The following TASOR variants were observed in gnomAD, a reference collection of about 807,000 sequenced individuals.
TASOR encodes transcription activation suppressor.
A neutral mutation model predicts 178.6 loss-of-function variants in TASOR; 53 were observed. That is an observed-to-expected ratio of 0.30 (90% CI 0.24 to 0.37). The LOEUF is 0.37. Ranked by LOEUF, TASOR falls within the 10% of genes least tolerant of loss-of-function variation. The probability of loss-of-function intolerance (pLI) is 1.00; values close to 1 mark genes in which losing one functional copy is unlikely to be tolerated. For synonymous variants in TASOR, 713 were observed against 696.2 expected (o/e 1.02, Z -0.38); for missense variants, 1,815 against 1,971.4 (o/e 0.92, Z 1.50).
rs747228991 is a variant in TASOR, at chr3:56,628,537, T to C, written c.3825A>G (p.Leu1275=). 3.1e-6 allele frequency: 5 copies of C among 1,599,602 alleles called. No homozygotes were observed. The South Asian group carries it at 3.3e-5, about 11-fold the overall frequency. ...TGTCTTCATTTTGAATAATAATCAA[T>C]AGTTTATCTAATTTTGATCTTCTTT... ...FLERRSKLDK[L]LIIIQNEDIA... is the part of the protein sequence containing the mutation. Residue 1275 remains leucine (L), a synonymous_variant, in exon 19 of 24, where the codon CTA becomes CTG. Coordinates refer to ENST00000683822, the MANE Select transcript of TASOR (RefSeq NM_001365635.2).
At chr3:56,673,499 G>GT (rs2030959381) in intron 2 of TASOR, 81 bp downstream of exon 2, 1 of 727,900 alleles carries the variant, frequency 1.4e-6, no homozygotes, top group Non-Finnish European at 1.9e-6. Flanking sequence ...AAAAATTTTA[G>GT]TATTTCTAGA....
At chr3:56,672,391 T>G (rs1559852783) in intron 2 of TASOR, among the ~76,000 whole-genome samples, 1 of 152,208 alleles carries the variant, frequency 6.6e-6, no homozygotes, top group Non-Finnish European at 1.5e-5. Context: ...AGATTTTAAT[T>G]TTCTCTGGGA....
chr3:56,674,963 C>A (rs537220315), intron 1 of TASOR, among the ~76,000 whole-genome samples: 3 of 152,046 alleles, frequency 2.0e-5, no homozygotes, highest in Admixed American at 6.6e-5. Flanking sequence ...GGACTACAGG[C>A]ACCCACCACC....
At chr3:56,644,368 C>T (rs1404618925) in intron 14 of TASOR, among the ~76,000 whole-genome samples, 1 of 152,026 alleles carries the variant, frequency 6.6e-6, no homozygotes. Flanking sequence ...AGGTTCAGCA[C>T]AGATTGCAAA....
chr3:56,640,951 C>A (rs1159658703), intron 15 of TASOR, among the ~76,000 whole-genome samples: 1 of 152,212 alleles, frequency 6.6e-6, no homozygotes, highest in Admixed American at 6.5e-5. Flanking sequence ...CACTGCTGTA[C>A]TGAGACTGGC....
intron 17 of TASOR, among the ~76,000 whole-genome samples, chr3:56,637,198 G>C (rs2077035419): frequency 6.6e-6 from 1 of 152,124 alleles, no homozygotes; most frequent in Non-Finnish European, 1.5e-5. Context: ...AAATCTTCTG[G>C]GATGCTAGAA....
chr3:56,620,696 G>GT lies in TASOR; in HGVS notation c.*2340dup, dbSNP rs2076351646. On this transcript the variant is annotated 3_prime_UTR_variant, in exon 24 of 24. Coordinates refer to ENST00000683822, the MANE Select transcript of TASOR (RefSeq NM_001365635.2). ...GTTTTACATAAGTTATTTCTTTAGA[G>GT]TGACGAAGTGTTAGTTTACTTCTTG... 6.6e-6 allele frequency: 1 copy of GT among 152,230 alleles called. No individual in the cohort carries two copies. Among genetic ancestry groups the GT allele is most frequent in the Non-Finnish European group, 1.5e-5 (1 of 68,062 alleles). 9.4% of individuals were successfully genotyped at this position (152,230 alleles called of 1,614,324 possible).
chr3:56,623,597 A>G, intron 23 of TASOR, 31 bp from the exon 24 acceptor site: 3 of 1,549,012 alleles, frequency 1.9e-6, no homozygotes, highest in Non-Finnish European at 1.7e-6. Context: ...GTCCTCCTCT[A>G]TTGAAATACA....
chr3:56,664,501 T>C (rs1033072072), intron 7 of TASOR, among the ~76,000 whole-genome samples: 2 of 152,170 alleles, frequency 1.3e-5, no homozygotes, highest in African/African-American at 4.8e-5. Flanking sequence ...TGGCTATAGA[T>C]GGTTTCCAAG....
chr3:56,649,196 G>T, intron 11 of TASOR, 139 bp from the exon 12 acceptor site: 1 of 520,890 alleles, frequency 1.9e-6, no homozygotes, highest in Non-Finnish European at 3.3e-6. Context: ...TAATGAATTA[G>T]TTAATTCTTT....
chr3:56,646,593 T>C lies in TASOR; in HGVS notation c.2144A>G (p.Glu715Gly), dbSNP rs768024947. Reference protein sequence around the residue: ...RSKTVLKRKLEDLPENMRKLA... With the variant: ...RSKTVLKRKLGDLPENMRKLA... ...CTTTCTCATATTTTCAGGTAGATCC[T>C]CAAGCTTCCTCTTCAAGACAGTTTT... Residue 715 changes from glutamate to glycine, a missense_variant, in exon 14 of 24, where the codon GAG becomes GGG. Glu to Gly is a moderately conservative substitution (Grantham distance 98). This residue lies in a region of TASOR where 655 missense variants were observed against 671.1 expected (regional missense o/e 0.98). Transcript: ENST00000683822. The C allele has an allele frequency of 6.2e-7, 1 of 1,613,126 alleles. No individual in the cohort carries two copies. The highest frequency in any genetic ancestry group is 1.7e-5 in the Admixed American group (1 of 59,954).
intron 3 of TASOR, 116 bp from the exon 4 acceptor site, chr3:56,670,261 T>A: frequency 1.8e-6 from 1 of 564,630 alleles, no homozygotes; most frequent in Non-Finnish European, 3.0e-6. Context: ...TGTATCATTC[T>A]AGATCACAGA....
Position 56,673,788 on chromosome 3 carries a change from A to G in TASOR, c.332-63T>C, listed in dbSNP as rs1016798019. 42 of 1,381,952 alleles carry G rather than the reference A, an allele frequency of 3.0e-5. No individual in the cohort carries two copies. The South Asian group carries it at 3.1e-4, about 10-fold the overall frequency. The allele number at this position is 1,381,952 out of a possible 1,614,324, so 85.6% of individuals were successfully genotyped here. A position where few individuals can be genotyped will look rare whatever the true frequency, so the allele number is the denominator to read the frequency against. On this transcript the variant is annotated intron_variant, in intron 1 of 23. Coordinates refer to ENST00000683822, the MANE Select transcript of TASOR (RefSeq NM_001365635.2). ...TACTCCATCTTAAATATAGCTTTTT[A>G]TATTTTTGTGGGTTAATGTAACTTT...
At position 56,633,088 on chromosome 3, in the gene TASOR, A is replaced by G; in HGVS notation, c.3703T>C (p.Tyr1235His). 1 of 1,608,064 alleles carries G rather than the reference A, an allele frequency of 6.2e-7. No individual in the cohort carries two copies. Among genetic ancestry groups the G allele is most frequent in the Non-Finnish European group, 8.5e-7 (1 of 1,178,252 alleles). Residue 1235 changes from tyrosine (Y) to histidine (H), a missense_variant, in exon 18 of 24, where the codon TAT becomes CAT. By Grantham distance (83) the Tyr-to-His change is moderately conservative. Transcript: ENST00000683822. ...ACACTCTCTTCTTCTTCATGAATAT[A>G]AAATTTCACAGTATTTTTCTGGACG... Reference protein sequence around the residue: ...KDVQKNTVKFYIHEEEESVLC... With the variant: ...KDVQKNTVKFHIHEEEESVLC...
At chr3:56,669,620 C>G in intron 5 of TASOR, 80 bp downstream of exon 5, 2 of 862,230 alleles carry the variant, frequency 2.3e-6, no homozygotes, top group Non-Finnish European at 3.6e-6. Context: ...TAAACAATCT[C>G]CTAAAAACAG....
Position 56,647,136 on chromosome 3 carries a change from G to A in TASOR, c.1601C>T (p.Ser534Phe). The A allele has an allele frequency of 3.7e-6, 6 of 1,604,670 alleles. No homozygotes were observed. Among genetic ancestry groups the A allele is most frequent in the Non-Finnish European group, 5.1e-6 (6 of 1,177,886 alleles). ...GAATTCCTTTCGACACTGAATCAAA[G>A]AAAATTGTAAAAACTGAGCTATTTT... ...VLKIAQFLQF[S>F]LIQCRKEFKN... Residue 534 changes from serine to phenylalanine, a missense_variant, in exon 14 of 24, where the codon TCT becomes TTT. Coordinates refer to ENST00000683822, the MANE Select transcript of TASOR (RefSeq NM_001365635.2).
chr3:56,679,211 G>C lies in TASOR; in HGVS notation c.331+3465C>G, dbSNP rs536183765. On this transcript the variant is annotated intron_variant, in intron 1 of 23. Transcript: ENST00000683822. ...TCCATCCATTTGTTCTTCACAGTAA[G>C]ATCTTTTTTTAAAATCACTTTTCTT... Among the ~76,000 whole-genome samples, 233 of 152,214 alleles carry C rather than the reference G, an allele frequency of 1.5e-3. 1 individual carries two copies. Among genetic ancestry groups the C allele is most frequent in the African/African-American group, 5.4e-3 (225 of 41,536 alleles).
At chr3:56,657,371 C>T (rs2077496061) in intron 11 of TASOR, among the ~76,000 whole-genome samples, 1 of 150,700 alleles carries the variant, frequency 6.6e-6, no homozygotes, top group Non-Finnish European at 1.5e-5. Flanking sequence ...TTTCGTGTAT[C>T]ATCTCCCTGG....
At position 56,633,527 on chromosome 3, in the gene TASOR, A is replaced by G; in HGVS notation, c.3264T>C (p.Ile1088=). The G allele has an allele frequency of 6.2e-7, 1 of 1,614,166 alleles. No individual in the cohort carries two copies. Among genetic ancestry groups the G allele is most frequent in the Non-Finnish European group, 8.5e-7 (1 of 1,180,028 alleles). The part of the protein sequence containing the change: ...VDGLHEKLNT[I]IIKASAKGGN... Reference sequence around the variant, plus strand: ...CACCCTTGGCTGATGCTTTAATAATAATAGTATTTAGCTTCTCATGCAAAC... The same window carrying G: ...CACCCTTGGCTGATGCTTTAATAATGATAGTATTTAGCTTCTCATGCAAAC... Residue 1088 remains isoleucine, a synonymous_variant, in exon 18 of 24, where the codon ATT becomes ATC. Coordinates refer to ENST00000683822, the MANE Select transcript of TASOR (RefSeq NM_001365635.2).
Sources: allele counts gnomAD v4.1 joint callset (sites outside exome capture counted in the v4.1 genomes callset), GRCh38; gene constraint gnomAD v4.1.1; regional missense constraint gnomAD v4.1.1; transcripts MANE v1.5; gene names NCBI Gene and HGNC (gene_info 2026-07-23, HGNC 2026-07-21).